RBM25: variants seen among roughly 807,000 people sequenced by gnomAD.
RBM25 encodes the protein RNA binding motif protein 25.
In RBM25, 19 loss-of-function variants were observed where a neutral mutation model predicts 120.7. That is an observed-to-expected ratio of 0.16 (90% CI 0.11 to 0.23). The LOEUF is 0.23. Ranked by LOEUF, RBM25 falls within the 10% of genes least tolerant of loss-of-function variation. The pLI is 1.00. For synonymous variants in RBM25, 390 were observed against 326.7 expected, an observed-to-expected ratio of 1.19 and a Z score of -2.09; for missense variants, 605 against 1,041.5, an observed-to-expected ratio of 0.58 and a Z score of 5.77.
intron 6 of RBM25, among the ~76,000 whole-genome samples, chr14:73,090,924 T>C (rs529091010): frequency 6.6e-6 from 1 of 152,364 alleles, no homozygotes; most frequent in African/African-American, 2.4e-5. Flanking sequence ...AAATCAGTAA[T>C]ACTGCCTGTC....
chr14:73,111,727 G>A lies in RBM25; in HGVS notation c.2217G>A (p.Lys739=). The change falls in exon 16 of 19, where the codon AAG becomes AAA. Residue 739 remains lysine, a synonymous_variant. Transcript: ENST00000261973. ...CTGAAGAAAAGCGTAAACACATTAAGAGTCTCATTGAGAAAATCCCTACAG... is the reference window on the plus strand; with the variant it reads ...CTGAAGAAAAGCGTAAACACATTAAAAGTCTCATTGAGAAAATCCCTACAG... ...VNTEEKRKHI[K]SLIEKIPTAK... The A allele has an allele frequency of 6.2e-7, 1 of 1,614,070 alleles. No individual in the cohort carries two copies. The highest frequency in any genetic ancestry group is 2.2e-5 in the East Asian group (1 of 44,876).
chr14:73,066,084 A>G (rs568433132), intron 1 of RBM25, among the ~76,000 whole-genome samples: 58 of 152,294 alleles, frequency 3.8e-4, no homozygotes, highest in African/African-American at 1.3e-3. Flanking sequence ...ATGAAAACCA[A>G]CTATCCTAAG....
At chr14:73,086,682 AT>A (rs1327167858) in intron 5 of RBM25, among the ~76,000 whole-genome samples, 23 of 152,164 alleles carry the variant, frequency 1.5e-4, no homozygotes, top group African/African-American at 5.6e-4. Context: ...TGACACTATC[AT>A]CAGCAATATG....
At chr14:73,118,649 C>G (rs1896482682) in intron 18 of RBM25, among the ~76,000 whole-genome samples, 1 of 152,016 alleles carries the variant, frequency 6.6e-6, no homozygotes, top group Admixed American at 6.6e-5. Context: ...ATTGCAGTAT[C>G]TGTAAAGGTA....
rs373284577 is a variant in RBM25 at position 73,111,838 on chromosome 14, A to T, written c.2292+36A>T. 321 of 1,535,436 alleles carry T rather than the reference A, an allele frequency of 2.1e-4. 1 individual carries two copies. Among genetic ancestry groups the T allele is most frequent in the Non-Finnish European group, 2.7e-4 (309 of 1,145,092 alleles). ...AATTATATTTCATCATATTATTGGG[A>T]ACAGTTGGAATATGCCATACAAATT... is the stretch of plus-strand genomic sequence containing the variant. On this transcript the variant is annotated intron_variant, in intron 16 of 18. Coordinates refer to ENST00000261973, the MANE Select transcript of RBM25 (RefSeq NM_021239.3).
intron 12 of RBM25, among the ~76,000 whole-genome samples, chr14:73,106,824 C>T (rs74614581): frequency 0.032 from 4,843 of 151,342 alleles, 108 homozygotes; most frequent in Non-Finnish European, 0.051. Context: ...TACATGTATA[C>T]ATATATATGT....
chr14:73,095,449 C>T (rs532345259), intron 6 of RBM25, among the ~76,000 whole-genome samples: 2 of 151,266 alleles, frequency 1.3e-5, no homozygotes, highest in East Asian at 3.9e-4. Context: ...ACTAAAAATA[C>T]AAAAAAATTA....
chr14:73,114,212 A>G, intron 17 of RBM25, 74 bp from the exon 18 acceptor site: 6 of 1,089,090 alleles, frequency 5.5e-6, no homozygotes, highest in Non-Finnish European at 7.9e-6. Flanking sequence ...TTGAGGATTC[A>G]TACCTTAAAA....
At chr14:73,060,942 A>G (rs1000354760) in intron 1 of RBM25, among the ~76,000 whole-genome samples, 1 of 151,294 alleles carries the variant, frequency 6.6e-6, no homozygotes, top group East Asian at 1.9e-4. Context: ...AAAAATTAGG[A>G]CTAGTCTTAC....
At chr14:73,100,359 G>A in intron 9 of RBM25, 1 of 669,078 alleles carries the variant, frequency 1.5e-6, no homozygotes, top group Non-Finnish European at 2.7e-6. Flanking sequence ...ACAAGGAATA[G>A]GATGTAAGTA....
At chr14:73,101,474 G>GTA (rs55870445) in intron 9 of RBM25, 113,090 of 150,650 alleles carry the variant, frequency 0.75, 43,801 homozygotes, top group African/African-American at 0.94. Flanking sequence ...AAATATACAT[G>GTA]TATGTTTACA....
At chr14:73,109,627 A>T (rs1896263719) in intron 14 of RBM25, 135 bp downstream of exon 14, 1 of 788,524 alleles carries the variant, frequency 1.3e-6, no homozygotes, top group East Asian at 3.3e-5. Context: ...CCCCGTCTCT[A>T]TTAAAAATAC....
intron 1 of RBM25, chr14:73,068,302 G>A: frequency 1.2e-6 from 1 of 801,722 alleles, no homozygotes; most frequent in Non-Finnish European, 2.2e-6. Context: ...TCTCTTGTGA[G>A]TACCAAAGGA....
In RBM25 at chr14:73,120,902, C is replaced by A. The variant is rs1350304189; in HGVS notation, c.*1097C>A. ...AAAGGTAAATCATTCAAGGCAGTTA[C>A]CAACCACTAACTATTTGTTTTCATT... On this transcript the variant is annotated 3_prime_UTR_variant, in exon 19 of 19. Transcript: ENST00000261973. The A allele has an allele frequency of 6.6e-6, 1 of 152,124 alleles. No homozygotes were observed. Among genetic ancestry groups the A allele is most frequent in the Non-Finnish European group, 1.5e-5 (1 of 68,014 alleles). 9.4% of individuals were successfully genotyped at this position (152,124 alleles called of 1,614,324 possible). A position where few individuals can be genotyped will look rare whatever the true frequency, so the allele number is the denominator to read the frequency against.
intron 7 of RBM25, 105 bp downstream of exon 7, chr14:73,097,205 T>TTTC: frequency 4.0e-6 from 3 of 751,352 alleles, no homozygotes; most frequent in Admixed American, 4.8e-5. Flanking sequence ...TCTTTTTTTT[T>TTTC]TTTTTTTTTT....
At chr14:73,060,332 G>A (rs924559976) in intron 1 of RBM25, among the ~76,000 whole-genome samples, 1 of 151,524 alleles carries the variant, frequency 6.6e-6, no homozygotes, top group Non-Finnish European at 1.5e-5. Context: ...ACCGTGCCCG[G>A]CCTTCTGAAT....
intron 6 of RBM25, among the ~76,000 whole-genome samples, chr14:73,091,305 C>A (rs1459594068): frequency 6.6e-6 from 1 of 152,146 alleles, no homozygotes; most frequent in Non-Finnish European, 1.5e-5. Context: ...CTGCTCACTG[C>A]AACCTCCTAT....
At chr14:73,100,812 G>A (rs187921166) in intron 9 of RBM25, 1 of 152,412 alleles carries the variant, frequency 6.6e-6, no homozygotes, top group East Asian at 1.9e-4. Context: ...AATTAAATGT[G>A]TCTAAGAGCA....
At chr14:73,084,193 T>G (rs1895631366) in intron 5 of RBM25, among the ~76,000 whole-genome samples, 1 of 152,148 alleles carries the variant, frequency 6.6e-6, no homozygotes, top group African/African-American at 2.4e-5. Context: ...CCACCACACC[T>G]GACCTCAAAT....
Sources: gnomAD v4.1 joint callset for allele counts (sites outside exome capture counted in the v4.1 genomes callset) on GRCh38, gnomAD v4.1.1 for gene constraint, MANE v1.5 for transcripts, NCBI Gene and HGNC (gene_info 2026-07-23, HGNC 2026-07-21) for gene names.